The following ZC3HAV1 variants were observed in gnomAD, a reference collection of about 807,000 sequenced individuals.
ZC3HAV1 encodes zinc finger CCCH-type antiviral protein 1.
Under a neutral mutation model 86.6 loss-of-function variants are expected in ZC3HAV1, and 41 were observed. The observed-to-expected ratio is 0.47, with a 90% CI of 0.37 to 0.61. ZC3HAV1 has a LOEUF of 0.61. Among genes scored for constraint, ZC3HAV1 ranks in the 20% least tolerant of loss-of-function variants. The pLI, the probability that ZC3HAV1 is intolerant of heterozygous loss-of-function variation, is 0.00. For missense variants in ZC3HAV1, 964 were observed against 1,141.1 expected, an observed-to-expected ratio of 0.84 and a Z score of 2.24; for synonymous variants, 421 against 432.1, an observed-to-expected ratio of 0.97 and a Z score of 0.32.
At chr7:139,051,547 C>T (rs1009617324) in intron 12 of ZC3HAV1, among the ~76,000 whole-genome samples, 27 of 151,926 alleles carry the variant, frequency 1.8e-4, no homozygotes, top group African/African-American at 5.3e-4. Context: ...GATGGGACTA[C>T]AGGCATGTGC....
At chr7:139,101,910 A>C (rs528929682) in intron 1 of ZC3HAV1, among the ~76,000 whole-genome samples, 188 of 150,718 alleles carry the variant, frequency 1.2e-3, no homozygotes, top group African/African-American at 4.0e-3. Context: ...AACCAGAGAC[A>C]TTTGTTCACT....
intron 4 of ZC3HAV1, 145 bp downstream of exon 4, chr7:139,079,325 T>C: frequency 6.5e-7 from 1 of 1,549,942 alleles, no homozygotes; most frequent in Non-Finnish European, 8.7e-7. Context: ...TAACATATCT[T>C]TTTCTGCCTT....
chr7:139,080,196 T>C lies in ZC3HAV1; in HGVS notation c.745A>G (p.Ser249Gly), dbSNP rs200555565. ...CTGCCCTGAAAGAACCGATCTCTAC[T>C]CTTGCTTCTAGCCCTATATGCCATG... Reference protein sequence around the residue: ...RNMAYRARSKSRDRFFQGSQE... With the variant: ...RNMAYRARSKGRDRFFQGSQE... The change falls in exon 4 of 13, where the codon AGT becomes GGT. Residue 249 changes from serine (S) to glycine (G), a missense_variant. Physicochemically the swap from Ser to Gly is moderately conservative, Grantham distance 56 (BLOSUM62 0). Coordinates refer to ENST00000242351, the MANE Select transcript of ZC3HAV1 (RefSeq NM_020119.4). The C allele has an allele frequency of 1.7e-5, 28 of 1,613,792 alleles. No homozygotes were observed. Among genetic ancestry groups the C allele is most frequent in the Non-Finnish European group, 2.3e-5 (27 of 1,179,988 alleles).
chr7:139,104,721 C>CAA (rs1157897700), intron 1 of ZC3HAV1, among the ~76,000 whole-genome samples: 3,009 of 18,352 alleles, frequency 0.16, 401 homozygotes, highest in Non-Finnish European at 0.26. Context: ...GACTCTGTCA[C>CAA]AAAAAAAAAA....
intron 3 of ZC3HAV1, among the ~76,000 whole-genome samples, chr7:139,083,028 G>A (rs1817170244): frequency 6.6e-6 from 1 of 152,076 alleles, no homozygotes; most frequent in South Asian, 2.1e-4. Flanking sequence ...GGTGTGAAAT[G>A]TCATGATATT....
intron 7 of ZC3HAV1, among the ~76,000 whole-genome samples, chr7:139,073,434 C>T (rs199540273): frequency 1.3e-5 from 2 of 152,198 alleles, no homozygotes; most frequent in East Asian, 3.9e-4. Flanking sequence ...CTCTACCACA[C>T]TCCACGGGTA....
rs1041896099 is a variant in ZC3HAV1, at chr7:139,053,566, C to G, written c.2334G>C (p.Met778Ile). 1.2e-5 allele frequency: 19 copies of G among 1,597,966 alleles called. 1 individual carries two copies. In the South Asian group the frequency reaches 2.2e-4, roughly 18 times the overall value. ...AAAATAGGAGTTTTCCTTCTTCCTT[C>G]ATCTGCGATTTCTTCCTAATATAAG... ...LDKFTWKKSQMKEEGKLLFYA... is the reference protein window; with the variant it reads ...LDKFTWKKSQIKEEGKLLFYA... The change falls in exon 12 of 13, where the codon ATG (methionine) becomes ATC (isoleucine). Residue 778 changes from methionine to isoleucine, a missense_variant. Transcript: ENST00000242351.
intron 1 of ZC3HAV1, among the ~76,000 whole-genome samples, chr7:139,104,685 T>G (rs1817874600): frequency 8.5e-6 from 1 of 117,888 alleles, no homozygotes; most frequent in South Asian, 2.8e-4. Context: ...ATCACGCCAC[T>G]GCACTCCAGC....
intron 1 of ZC3HAV1, among the ~76,000 whole-genome samples, chr7:139,091,362 G>A (rs2130721903): frequency 6.6e-6 from 1 of 152,248 alleles, no homozygotes; most frequent in Non-Finnish European, 1.5e-5. Context: ...CAGTTACTCG[G>A]GAGGCTGAGG....
intron 3 of ZC3HAV1, among the ~76,000 whole-genome samples, chr7:139,081,265 G>A (rs1817120384): frequency 6.6e-6 from 1 of 152,096 alleles, no homozygotes; most frequent in African/African-American, 2.4e-5. Context: ...GTGCATGTGT[G>A]CTCGTGTGTG....
At chr7:139,051,756 T>C (rs1229949553) in intron 12 of ZC3HAV1, among the ~76,000 whole-genome samples, 3 of 152,214 alleles carry the variant, frequency 2.0e-5, no homozygotes, top group African/African-American at 7.2e-5. Context: ...AAGATAATTA[T>C]GCAAAATGTG....
In ZC3HAV1 at chr7:139,073,968, C is replaced by T. The variant is rs1445588802; in HGVS notation, c.1760G>A (p.Arg587Gln). The change falls in exon 7 of 13, where the codon CGA (arginine) becomes CAA (glutamine). Residue 587 changes from arginine to glutamine, a missense_variant. Arg to Gln is a conservative substitution (Grantham distance 43). Transcript: ENST00000242351. ...RVMSCDSFPI[R>Q]RLSTPSSVTK... ...GACAGAAGAAGGAGTGGAGAGGCGT[C>T]GGATGGGAAAGGAATCACAACTCAT... 4.0e-5 allele frequency: 65 copies of T among 1,613,662 alleles called. No individual in the cohort carries two copies. Among genetic ancestry groups the T allele is most frequent in the Non-Finnish European group, 4.7e-5 (55 of 1,179,828 alleles).
intron 1 of ZC3HAV1, among the ~76,000 whole-genome samples, chr7:139,100,557 AAAAC>A (rs1226249001): frequency 6.6e-6 from 1 of 151,826 alleles, no homozygotes. Flanking sequence ...AACAAAAACA[AAAAC>A]AAACAAAAAA....
At chr7:139,070,202 A>C (rs1460237682) in intron 7 of ZC3HAV1, among the ~76,000 whole-genome samples, 1 of 152,184 alleles carries the variant, frequency 6.6e-6, no homozygotes, top group East Asian at 1.9e-4. Context: ...ACATCCAACA[A>C]ACCTGTGTCA....
Sources: gnomAD v4.1 joint callset for allele counts (sites outside exome capture counted in the v4.1 genomes callset) on GRCh38, gnomAD v4.1.1 for gene constraint, MANE v1.5 for transcripts, NCBI Gene and HGNC (gene_info 2026-07-23, HGNC 2026-07-21) for gene names.